The following NMT1 variants were observed in gnomAD, a reference collection of about 807,000 sequenced individuals.
NMT1 encodes glycylpeptide N-tetradecanoyltransferase 1.
NMT1 carries 12 observed loss-of-function variants against 63.4 expected under a neutral mutation model. The ratio of observed to expected loss-of-function variants is 0.19; its 90% CI spans 0.12 to 0.31. The LOEUF (loss-of-function observed/expected upper bound fraction) is 0.31. Among genes scored for constraint, NMT1 ranks in the 10% least tolerant of loss-of-function variants. The pLI, the probability that NMT1 is intolerant of heterozygous loss-of-function variation, is 1.00. For synonymous variants in NMT1, 228 were observed against 234.3 expected (o/e 0.97, Z 0.25); for missense variants, 432 against 634.6 (o/e 0.68, Z 3.43).
chr17:45,084,542 C>T (rs949354442), intron 2 of NMT1, among the ~76,000 whole-genome samples: 4 of 151,832 alleles, frequency 2.6e-5, no homozygotes, highest in Non-Finnish European at 5.9e-5. Context: ...ACTGTGTTAG[C>T]CAGGATGGTC....
At chr17:45,070,481 G>C (rs972694420) in intron 1 of NMT1, among the ~76,000 whole-genome samples, 2 of 152,070 alleles carry the variant, frequency 1.3e-5, no homozygotes, top group Non-Finnish European at 2.9e-5. Context: ...ACAGTGGCGC[G>C]GTCTTGGCTC....
At chr17:45,091,607 A>G (rs1262949111) in intron 3 of NMT1, among the ~76,000 whole-genome samples, 1 of 152,220 alleles carries the variant, frequency 6.6e-6, no homozygotes, top group Non-Finnish European at 1.5e-5. Context: ...GGAAATTAGC[A>G]CCTAGATAAG....
intron 8 of NMT1, among the ~76,000 whole-genome samples, chr17:45,101,792 C>T (rs1408985686): frequency 6.6e-6 from 1 of 152,124 alleles, no homozygotes; most frequent in African/African-American, 2.4e-5. Flanking sequence ...TCAGGCTAAT[C>T]CACCTAGTGA....
intron 3 of NMT1, among the ~76,000 whole-genome samples, chr17:45,088,329 G>A (rs891906565): frequency 6.6e-6 from 1 of 152,254 alleles, no homozygotes; most frequent in Non-Finnish European, 1.5e-5. Flanking sequence ...GAGGTGTTGT[G>A]TGGTGGCTGC....
chr17:45,063,020 CTG>C, intron 1 of NMT1, among the ~76,000 whole-genome samples: 1 of 151,912 alleles, frequency 6.6e-6, no homozygotes, highest in Admixed American at 6.6e-5. Flanking sequence ...CTGGCTAACA[CTG>C]TGAAATCCCA....
At chr17:45,099,058 G>C (rs1006512872) in intron 7 of NMT1, among the ~76,000 whole-genome samples, 4 of 152,196 alleles carry the variant, frequency 2.6e-5, no homozygotes, top group African/African-American at 7.2e-5. Context: ...AGAAGGGGAG[G>C]AGGGAGGAGG....
chr17:45,081,306 G>A (rs916660), intron 1 of NMT1, among the ~76,000 whole-genome samples: 60,853 of 152,010 alleles, frequency 0.4, 12,835 homozygotes, highest in Non-Finnish European at 0.44. Flanking sequence ...GAAGTATTGT[G>A]GTATGAATGC....
chr17:45,078,484 C>G (rs182908709), intron 1 of NMT1, among the ~76,000 whole-genome samples: 1 of 151,736 alleles, frequency 6.6e-6, no homozygotes, highest in Non-Finnish European at 1.5e-5. Context: ...CACTTTCTCC[C>G]TGTATATATA....
At chr17:45,092,455 T>C (rs1012491441) in intron 3 of NMT1, among the ~76,000 whole-genome samples, 3 of 151,532 alleles carry the variant, frequency 2.0e-5, no homozygotes, top group Non-Finnish European at 2.9e-5. Context: ...GTTTGGACTT[T>C]GGGAGGCCGA....
rs1385237938 is a variant in NMT1 at position 45,107,676 on chromosome 17, C to CT, written c.*2038dup. ...GGAACCTGGAACTTGGAAAGGCTCC[C>CT]TGTCCTAGTCTTGATCTGTTCTGGG... is the stretch of plus-strand genomic sequence containing the variant. On this transcript the variant is annotated 3_prime_UTR_variant, in exon 12 of 12. Transcript: ENST00000258960. 2.6e-5 allele frequency: 4 copies of CT among 152,328 alleles called. No individual in the cohort carries two copies. The highest frequency in any genetic ancestry group is 1.3e-4 in the Admixed American group (2 of 15,278). 9.4% of individuals were successfully genotyped at this position (152,328 alleles called of 1,614,324 possible).
Position 45,081,758 on chromosome 17 carries a change from A to G in NMT1, c.240+6A>G, listed in dbSNP as rs2054018462. 1.3e-6 allele frequency: 2 copies of G among 1,546,968 alleles called. No homozygotes were observed. Among genetic ancestry groups the G allele is most frequent in the Non-Finnish European group, 8.7e-7 (1 of 1,146,028 alleles). On this transcript the variant is annotated splice_donor_region_variant and intron_variant, in intron 2 of 11. Transcript: ENST00000258960. ...CCCAGGATCAGCCTGTGAAGGTAAC[A>G]AGGAGGTTCTGTTTTTTGTGACTCA...
In NMT1 at chr17:45,105,467, G is replaced by A. The variant is rs886485256; in HGVS notation, c.1471-152G>A. On this transcript the variant is annotated intron_variant, in intron 11 of 11. Coordinates refer to ENST00000258960, the MANE Select transcript of NMT1 (RefSeq NM_021079.5). The surrounding 1 kb of genome is among the most constrained non-coding windows in gnomAD (Gnocchi z 4.2). The stretch of plus-strand genomic sequence containing the variant: ...TGGACGTGTGAACCCTGGTGTGGAG[G>A]TTGAGTGTGGGGCCGGCTGGGTGTG... The A allele has an allele frequency of 1.0e-5, 8 of 798,948 alleles. No individual in the cohort carries two copies. Among genetic ancestry groups the A allele is most frequent in the African/African-American group, 8.6e-5 (5 of 58,162 alleles). 49.5% of individuals were successfully genotyped at this position (798,948 alleles called of 1,614,324 possible). A position where few individuals can be genotyped will look rare whatever the true frequency, so the allele number is the denominator to read the frequency against.
chr17:45,076,024 T>G (rs1168536049), intron 1 of NMT1, among the ~76,000 whole-genome samples: 2 of 151,966 alleles, frequency 1.3e-5, no homozygotes, highest in Admixed American at 1.3e-4. Context: ...GAGCCAAGAT[T>G]GTGCCATTGT....
intron 1 of NMT1, among the ~76,000 whole-genome samples, chr17:45,080,618 G>A (rs1460063863): frequency 1.3e-5 from 2 of 151,130 alleles, no homozygotes; most frequent in East Asian, 1.9e-4. Flanking sequence ...ACAGGCGCCC[G>A]CCACCGTGCC....
At chr17:45,070,255 T>TG (rs1567861715) in intron 1 of NMT1, among the ~76,000 whole-genome samples, 48 of 150,854 alleles carry the variant, frequency 3.2e-4, no homozygotes, top group Admixed American at 1.5e-3. Context: ...GTACCTTTTT[T>TG]TGTGTGTGTG....
chr17:45,068,241 G>A (rs931610596), intron 1 of NMT1, among the ~76,000 whole-genome samples: 23 of 152,330 alleles, frequency 1.5e-4, no homozygotes, highest in African/African-American at 5.1e-4. Context: ...AGAGGCTGAA[G>A]TGCGCAGATC....
At chr17:45,071,927 G>A (rs2053942309) in intron 1 of NMT1, among the ~76,000 whole-genome samples, 1 of 152,120 alleles carries the variant, frequency 6.6e-6, no homozygotes, top group Non-Finnish European at 1.5e-5. Flanking sequence ...CAAGGAGTAG[G>A]ACAGAGCCTA....
intron 1 of NMT1, among the ~76,000 whole-genome samples, chr17:45,069,909 G>T (rs1380020227): frequency 1.3e-5 from 2 of 151,876 alleles, no homozygotes; most frequent in Non-Finnish European, 2.9e-5. Flanking sequence ...ATTCTAGTAG[G>T]TGAGATTTCT....
intron 8 of NMT1, among the ~76,000 whole-genome samples, chr17:45,101,036 T>A (rs2054160302): frequency 7.4e-6 from 1 of 135,144 alleles, no homozygotes; most frequent in Non-Finnish European, 1.6e-5. Context: ...AAAAAAAAAT[T>A]AGCCGGGCTT....
Sources: allele counts gnomAD v4.1 joint callset (sites outside exome capture counted in the v4.1 genomes callset), GRCh38; gene constraint gnomAD v4.1.1; non-coding constraint Gnocchi (gnomAD v3.1); transcripts MANE v1.5; gene names NCBI Gene and HGNC (gene_info 2026-07-23, HGNC 2026-07-21).